Variants in ENOX1 observed in about 807,000 individuals in gnomAD.
ENOX1 encodes the protein ecto-NOX disulfide-thiol exchanger 1.
A neutral mutation model predicts 82.5 loss-of-function variants in ENOX1; 42 were observed. That is an observed-to-expected ratio of 0.51 (90% CI 0.40 to 0.66). ENOX1 has a LOEUF of 0.66. Among genes scored for constraint, ENOX1 ranks in the 30% least tolerant of loss-of-function variants. The pLI, the probability that ENOX1 is intolerant of heterozygous loss-of-function variation, is 0.00. For missense variants in ENOX1, 608 were observed against 811.6 expected, an observed-to-expected ratio of 0.75 and a Z score of 3.05; for synonymous variants, 271 against 282.2, an observed-to-expected ratio of 0.96 and a Z score of 0.40.
At chr13:43,260,354 A>C (rs575188114) in intron 14 of ENOX1, among the ~76,000 whole-genome samples, 4 of 152,330 alleles carry the variant, frequency 2.6e-5, no homozygotes, top group Non-Finnish European at 5.9e-5. Flanking sequence ...ATCACCAATT[A>C]AACCTCTTTA....
At chr13:43,307,460 C>G (rs1464167306) in intron 11 of ENOX1, among the ~76,000 whole-genome samples, 1 of 152,168 alleles carries the variant, frequency 6.6e-6, no homozygotes, top group South Asian at 2.1e-4. Flanking sequence ...TTTAGAGCCA[C>G]CTCCCTGGCC....
chr13:43,721,153 G>T (rs2088548227), intron 1 of ENOX1, among the ~76,000 whole-genome samples: 1 of 152,030 alleles, frequency 6.6e-6, no homozygotes, highest in Non-Finnish European at 1.5e-5. Flanking sequence ...CCACTGGTTT[G>T]GTAAGGACGG....
At chr13:43,401,745 T>C (rs993972421) in intron 5 of ENOX1, among the ~76,000 whole-genome samples, 5 of 152,100 alleles carry the variant, frequency 3.3e-5, no homozygotes, top group African/African-American at 1.2e-4. Context: ...CCTCGCAATA[T>C]GCCAGGAAAG....
At chr13:43,728,635 T>C (rs181678481) in intron 1 of ENOX1, among the ~76,000 whole-genome samples, 40 of 152,292 alleles carry the variant, frequency 2.6e-4, no homozygotes, top group Admixed American at 5.9e-4. Flanking sequence ...TGGGAACTGC[T>C]GTGTCTAAAA....
chr13:43,568,291 TG>T (rs1373358989), intron 2 of ENOX1, among the ~76,000 whole-genome samples: 1 of 152,194 alleles, frequency 6.6e-6, no homozygotes, highest in African/African-American at 2.4e-5. Context: ...CTTAAGCAGT[TG>T]ACAGGCACGA....
chr13:43,577,075 A>G (rs545715243), intron 2 of ENOX1, among the ~76,000 whole-genome samples: 40 of 152,322 alleles, frequency 2.6e-4, no homozygotes, highest in Non-Finnish European at 4.3e-4. Context: ...AGAGAAGGGA[A>G]TAAGTAGTAA....
Position 43,679,899 on chromosome 13 carries a change from T to A in ENOX1, c.-284-12355A>T, listed in dbSNP as rs1232037235. Among the ~76,000 whole-genome samples the A allele has an allele frequency of 2.0e-5, 3 of 152,354 alleles. No homozygotes were observed. The South Asian group carries it at 6.2e-4, about 32-fold the overall frequency. On this transcript the variant is annotated intron_variant, in intron 1 of 16. Coordinates refer to ENST00000690772, the MANE Select transcript of ENOX1 (RefSeq NM_001347969.2). ...ACTTCTTTCTCTCACCTGAATACCA[T>A]ATACAAGAGTAGACATATTGACCTT...
At chr13:43,287,144 TCA>T (rs2045743380) in intron 12 of ENOX1, among the ~76,000 whole-genome samples, 1 of 152,126 alleles carries the variant, frequency 6.6e-6, no homozygotes, top group Admixed American at 6.5e-5. Flanking sequence ...ACTGGGACAG[TCA>T]CATACCCCTG....
At chr13:43,483,906 AC>A (rs1454564312) in intron 3 of ENOX1, 102 bp downstream of exon 3, 4 of 583,430 alleles carry the variant, frequency 6.9e-6, no homozygotes, top group African/African-American at 6.1e-5. Context: ...TTTAAAATCT[AC>A]CCCCAGAGTT....
At chr13:43,297,849 CAA>C (rs970264166) in intron 12 of ENOX1, among the ~76,000 whole-genome samples, 1 of 152,188 alleles carries the variant, frequency 6.6e-6, no homozygotes, top group African/African-American at 2.4e-5. Context: ...ATTCCATCAA[CAA>C]ACACTTCTTA....
intron 12 of ENOX1, among the ~76,000 whole-genome samples, chr13:43,275,900 G>T (rs369283459): frequency 6.6e-6 from 1 of 152,184 alleles, no homozygotes; most frequent in African/African-American, 2.4e-5. Context: ...GAATCCAGGA[G>T]ATTTCTGGGG....
At chr13:43,579,389 C>T (rs1447872184) in intron 2 of ENOX1, among the ~76,000 whole-genome samples, 3 of 152,150 alleles carry the variant, frequency 2.0e-5, no homozygotes, top group Non-Finnish European at 4.4e-5. Flanking sequence ...CTTTTAACAG[C>T]TCCCTTTCTA....
At chr13:43,305,692 CCATTTA>C (rs1046325184) in intron 11 of ENOX1, among the ~76,000 whole-genome samples, 6 of 152,212 alleles carry the variant, frequency 3.9e-5, no homozygotes, top group Non-Finnish European at 7.3e-5. Flanking sequence ...CATCACTTTT[CCATTTA>C]CATTACTATC....
At chr13:43,721,308 T>C (rs891682947) in intron 1 of ENOX1, among the ~76,000 whole-genome samples, 1 of 151,266 alleles carries the variant, frequency 6.6e-6, no homozygotes, top group African/African-American at 2.4e-5. Context: ...GGATATTAAA[T>C]AGCAAATTTA....
intron 2 of ENOX1, among the ~76,000 whole-genome samples, chr13:43,625,039 A>G (rs988617651): frequency 2.0e-5 from 3 of 151,912 alleles, no homozygotes; most frequent in African/African-American, 7.3e-5. Flanking sequence ...AATCCTTTTT[A>G]TTTCTTTCAT....
At chr13:43,323,764 C>T (rs2047947177) in intron 10 of ENOX1, among the ~76,000 whole-genome samples, 1 of 152,150 alleles carries the variant, frequency 6.6e-6, no homozygotes, top group South Asian at 2.1e-4. Context: ...ATTACTACAA[C>T]TGATTTATTA....
At chr13:43,333,912 C>T (rs763168189) in intron 9 of ENOX1, among the ~76,000 whole-genome samples, 1 of 152,220 alleles carries the variant, frequency 6.6e-6, no homozygotes, top group Non-Finnish European at 1.5e-5. Context: ...CATGAGCCAC[C>T]GTGCCCAGCC....
intron 12 of ENOX1, among the ~76,000 whole-genome samples, chr13:43,290,149 T>C (rs1007252069): frequency 3.3e-5 from 5 of 152,212 alleles, no homozygotes; most frequent in Admixed American, 1.3e-4. Context: ...GTAAAGCCAC[T>C]GTGGAAAGCA....
chr13:43,287,025 G>C (rs1346252628), intron 12 of ENOX1, among the ~76,000 whole-genome samples: 1 of 152,106 alleles, frequency 6.6e-6, no homozygotes, highest in Non-Finnish European at 1.5e-5. Context: ...GTTATAGAGG[G>C]AACACAGGGG....
Sources: gnomAD v4.1 joint callset for allele counts (sites outside exome capture counted in the v4.1 genomes callset) on GRCh38, gnomAD v4.1.1 for gene constraint, MANE v1.5 for transcripts, NCBI Gene and HGNC (gene_info 2026-07-23, HGNC 2026-07-21) for gene names.